Variants in ITFG1 observed in about 807,000 individuals in gnomAD.
The protein encoded by ITFG1 is T-cell immunomodulatory protein.
ITFG1 carries 34 observed loss-of-function variants against 81.8 expected under a neutral mutation model. The observed-to-expected ratio is 0.42, with a 90% confidence interval of 0.32 to 0.55. The LOEUF (loss-of-function observed/expected upper bound fraction) is 0.55. Ranked by LOEUF, ITFG1 falls within the 20% of genes least tolerant of loss-of-function variation. The pLI, the probability that ITFG1 is intolerant of heterozygous loss-of-function variation, is 0.17. For synonymous variants in ITFG1, 285 were observed against 270.6 expected (o/e 1.05, Z -0.52); for missense variants, 672 against 755.4 (o/e 0.89, Z 1.29).
At chr16:47,181,550 G>A (rs1348693813) in intron 14 of ITFG1, among the ~76,000 whole-genome samples, 6 of 122,890 alleles carry the variant, frequency 4.9e-5, no homozygotes, top group African/African-American at 2.1e-4. Context: ...TGGCAGGGAG[G>A]TGGGGGGGGG....
intron 5 of ITFG1, among the ~76,000 whole-genome samples, chr16:47,444,077 G>C (rs1432736109): frequency 3.3e-5 from 5 of 151,966 alleles, no homozygotes. Context: ...GTGTGACCTT[G>C]TTTTTTATTT....
intron 8 of ITFG1, among the ~76,000 whole-genome samples, chr16:47,358,043 C>A (rs973448656): frequency 1.3e-5 from 2 of 152,132 alleles, no homozygotes; most frequent in Non-Finnish European, 2.9e-5. Flanking sequence ...GCACTGCAAT[C>A]ATCACAGACA....
At chr16:47,247,383 T>A (rs1285363816) in intron 12 of ITFG1, among the ~76,000 whole-genome samples, 2 of 152,234 alleles carry the variant, frequency 1.3e-5, no homozygotes, top group African/African-American at 4.8e-5. Flanking sequence ...AAGTTTTATA[T>A]GTATGTTAGT....
intron 6 of ITFG1, among the ~76,000 whole-genome samples, chr16:47,424,379 C>T (rs1449560588): frequency 6.6e-6 from 1 of 152,190 alleles, no homozygotes. Flanking sequence ...TTAGAACACA[C>T]TCCTTTAGCT....
Position 47,410,695 on chromosome 16 carries a change from C to T in ITFG1, c.655+18109G>A, listed in dbSNP as rs146210976. ...TGAGTGAAGGAACTGTGGCACAGCC[C>T]GCTCTCAACACGAACCTCTCGGATC... On this transcript the variant is annotated intron_variant, in intron 6 of 17. Coordinates refer to ENST00000320640, the MANE Select transcript of ITFG1 (RefSeq NM_030790.5). Among the ~76,000 whole-genome samples the T allele has an allele frequency of 5.8e-3, 879 of 152,232 alleles. 9 individuals carry two copies. Among genetic ancestry groups the T allele is most frequent in the African/African-American group, 0.02 (828 of 41,536 alleles).
intron 10 of ITFG1, among the ~76,000 whole-genome samples, chr16:47,285,078 C>T (rs1567445740): frequency 6.6e-6 from 1 of 152,138 alleles, no homozygotes; most frequent in Non-Finnish European, 1.5e-5. Context: ...GCCCTCGTTA[C>T]AGTCTTTTGT....
At chr16:47,185,611 A>G (rs1275171516) in intron 14 of ITFG1, among the ~76,000 whole-genome samples, 2 of 152,236 alleles carry the variant, frequency 1.3e-5, no homozygotes, top group Non-Finnish European at 2.9e-5. Flanking sequence ...CATTCAAAGC[A>G]GTGTGTAGAG....
At chr16:47,238,880 T>C in intron 12 of ITFG1, among the ~76,000 whole-genome samples, 1 of 152,214 alleles carries the variant, frequency 6.6e-6, no homozygotes, top group South Asian at 2.1e-4. Flanking sequence ...CAGGGTGTAA[T>C]GATTTGAATG....
chr16:47,357,366 C>A (rs1018567981), intron 8 of ITFG1, among the ~76,000 whole-genome samples: 2 of 151,948 alleles, frequency 1.3e-5, no homozygotes, highest in Non-Finnish European at 2.9e-5. Context: ...TGTAATCCCA[C>A]CACTTTGGGA....
At chr16:47,186,131 C>T (rs1184497758) in intron 14 of ITFG1, among the ~76,000 whole-genome samples, 1 of 151,188 alleles carries the variant, frequency 6.6e-6, no homozygotes, top group Non-Finnish European at 1.5e-5. Flanking sequence ...GCTTACCAAC[C>T]AAAAAGAGTC....
intron 6 of ITFG1, chr16:47,396,074 T>A (rs1343896386): frequency 1.5e-6 from 1 of 647,044 alleles, no homozygotes; most frequent in Admixed American, 6.3e-5. Flanking sequence ...TTTACTTTAG[T>A]CTACGTGATA....
intron 6 of ITFG1, among the ~76,000 whole-genome samples, chr16:47,385,810 T>G (rs1417865029): frequency 6.6e-6 from 1 of 152,196 alleles, no homozygotes; most frequent in East Asian, 1.9e-4. Flanking sequence ...AACCAAAACT[T>G]TGAGCTTTTA....
At chr16:47,392,512 G>T (rs1297616486) in intron 6 of ITFG1, among the ~76,000 whole-genome samples, 1 of 152,150 alleles carries the variant, frequency 6.6e-6, no homozygotes, top group Admixed American at 6.5e-5. Context: ...GTGATCTATT[G>T]TAAGGACTTG....
At chr16:47,190,556 T>C (rs1179783758) in intron 14 of ITFG1, among the ~76,000 whole-genome samples, 5 of 152,216 alleles carry the variant, frequency 3.3e-5, no homozygotes, top group Non-Finnish European at 7.3e-5. Flanking sequence ...AGTATGCATA[T>C]TCTTTTAAAC....
chr16:47,185,797 T>C (rs1324091222), intron 14 of ITFG1, among the ~76,000 whole-genome samples: 2 of 152,156 alleles, frequency 1.3e-5, no homozygotes, highest in African/African-American at 4.8e-5. Context: ...CAAAAAACCC[T>C]TCAAAAAATT....
At chr16:47,327,618 C>T (rs573675547) in intron 8 of ITFG1, among the ~76,000 whole-genome samples, 1 of 152,046 alleles carries the variant, frequency 6.6e-6, no homozygotes, top group Non-Finnish European at 1.5e-5. Flanking sequence ...TGAACTCAAA[C>T]AAATTTACAA....
intron 13 of ITFG1, among the ~76,000 whole-genome samples, chr16:47,225,450 T>G (rs978160990): frequency 7.0e-6 from 1 of 142,188 alleles, no homozygotes; most frequent in Non-Finnish European, 1.6e-5. Flanking sequence ...TAGGGTAAAC[T>G]CAAAGAGATC....
In ITFG1 at chr16:47,441,997, T is replaced by G. The variant is rs184581431; in HGVS notation, c.560+9399A>C. Among the ~76,000 whole-genome samples, 267 of 152,254 alleles carry G rather than the reference T, an allele frequency of 1.8e-3. 3 individuals are homozygous for G. In the East Asian group the frequency reaches 0.043, roughly 24 times the overall value. On this transcript the variant is annotated intron_variant, in intron 5 of 17. Coordinates refer to ENST00000320640, the MANE Select transcript of ITFG1 (RefSeq NM_030790.5). ...TTCAGCAAAGTCTCAGGATACAAAA[T>G]CAATGTGCAAAAATCACAAGCATTC...
chr16:47,421,270 GCACACACACACACACA>G (rs58232411), intron 6 of ITFG1, among the ~76,000 whole-genome samples: 4 of 129,956 alleles, frequency 3.1e-5, no homozygotes, highest in East Asian at 2.3e-4. Flanking sequence ...ACATACATAT[GCACACACACACACACA>G]CACACACACA....
Sources: allele counts gnomAD v4.1 joint callset (sites outside exome capture counted in the v4.1 genomes callset), GRCh38; gene constraint gnomAD v4.1.1; transcripts MANE v1.5; gene names NCBI Gene and HGNC (gene_info 2026-07-23, HGNC 2026-07-21).